Variants in FLI1 observed in about 807,000 individuals in gnomAD.
The protein encoded by FLI1 is Friend leukemia integration 1 transcription factor.
Under a neutral mutation model 53.1 loss-of-function variants are expected in FLI1, and 13 were observed. That is an observed-to-expected ratio of 0.24 (90% CI 0.16 to 0.39). The LOEUF is 0.39. FLI1 is among the 10% of genes least tolerant of loss of function. FLI1 has a pLI of 1.00. For synonymous variants in FLI1, 244 were observed against 236.7 expected, an observed-to-expected ratio of 1.03 and a Z score of -0.28; for missense variants, 424 against 600.5, an observed-to-expected ratio of 0.71 and a Z score of 3.07.
upstream of FLI1, chr11:128,692,983 T>A (rs1166613068): frequency 6.6e-6 from 1 of 152,404 alleles, no homozygotes; most frequent in African/African-American, 2.4e-5. Flanking sequence ...CCTCCGGGTC[T>A]CACCCCGGGA....
chr11:128,697,642 T>C (rs966753739), intron 1 of FLI1, among the ~76,000 whole-genome samples: 2 of 152,248 alleles, frequency 1.3e-5, no homozygotes, highest in African/African-American at 4.8e-5. Context: ...TTTTAAAGCC[T>C]GCCACCTTAG....
chr11:128,785,476 A>T (rs975804757), intron 5 of FLI1, among the ~76,000 whole-genome samples: 1 of 151,740 alleles, frequency 6.6e-6, no homozygotes, highest in Non-Finnish European at 1.5e-5. Flanking sequence ...AGAGGATTAG[A>T]CTAGAACCCC....
chr11:128,685,402 G>C (rs1259148223), upstream of FLI1, among the ~76,000 whole-genome samples: 1 of 152,222 alleles, frequency 6.6e-6, no homozygotes, highest in Admixed American at 6.5e-5. Context: ...CGATCCTCTG[G>C]GGGCGATGCA....
At chr11:128,722,520 AG>A (rs769101882) in intron 1 of FLI1, among the ~76,000 whole-genome samples, 1 of 152,230 alleles carries the variant, frequency 6.6e-6, no homozygotes, top group Non-Finnish European at 1.5e-5. Flanking sequence ...CTCAGACTTC[AG>A]GCAATGCAGC....
intron 1 of FLI1, among the ~76,000 whole-genome samples, chr11:128,731,718 A>G (rs763044706): frequency 1.6e-4 from 24 of 152,212 alleles, no homozygotes; most frequent in Non-Finnish European, 3.4e-4. Context: ...AAAATGCTTA[A>G]GTAGATGGGG....
At chr11:128,698,864 T>TATCCTTAAA (rs1412127197) in intron 1 of FLI1, among the ~76,000 whole-genome samples, 1 of 152,220 alleles carries the variant, frequency 6.6e-6, no homozygotes, top group African/African-American at 2.4e-5. Context: ...GAATTATTTT[T>TATCCTTAAA]ATCCTTAAAG....
intron 2 of FLI1, chr11:128,764,561 T>C (rs1649153218): frequency 8.2e-7 from 1 of 1,214,510 alleles, no homozygotes; most frequent in Non-Finnish European, 1.2e-6. Flanking sequence ...CAGGTCTTAA[T>C]ACAAATTAGC....
intron 4 of FLI1, among the ~76,000 whole-genome samples, chr11:128,780,893 C>T (rs1249146175): frequency 6.6e-6 from 1 of 152,216 alleles, no homozygotes; most frequent in East Asian, 1.9e-4. Context: ...CAGATCCCAG[C>T]CCTCGTTTCA....
chr11:128,744,537 C>G (rs1273717495), intron 1 of FLI1, among the ~76,000 whole-genome samples: 1 of 152,192 alleles, frequency 6.6e-6, no homozygotes, highest in Admixed American at 6.5e-5. Context: ...GATTAAAGAA[C>G]TTGTCCAAGG....
At chr11:128,745,473 T>C (rs1940340260) in intron 1 of FLI1, among the ~76,000 whole-genome samples, 1 of 152,146 alleles carries the variant, frequency 6.6e-6, no homozygotes, top group Non-Finnish European at 1.5e-5. Flanking sequence ...CTAAACACCT[T>C]GGACAGAGCA....
intron 3 of FLI1, 97 bp downstream of exon 3, chr11:128,768,369 T>A: frequency 6.7e-7 from 1 of 1,481,750 alleles, no homozygotes; most frequent in Non-Finnish European, 9.4e-7. Context: ...CTATTCCCTG[T>A]GGAATTGCAA....
At chr11:128,728,905 G>A (rs1939584935) in intron 1 of FLI1, among the ~76,000 whole-genome samples, 1 of 152,150 alleles carries the variant, frequency 6.6e-6, no homozygotes, top group African/African-American at 2.4e-5. Context: ...ACAACTTTTT[G>A]CAACCTCTAC....
chr11:128,709,794 C>T (rs939451235), intron 1 of FLI1, among the ~76,000 whole-genome samples: 1 of 152,196 alleles, frequency 6.6e-6, no homozygotes, highest in Non-Finnish European at 1.5e-5. Flanking sequence ...GCCACCTCTT[C>T]TATTATCTTC....
intron 1 of FLI1, among the ~76,000 whole-genome samples, chr11:128,707,030 T>C (rs1938573872): frequency 6.6e-6 from 1 of 152,182 alleles, no homozygotes; most frequent in Admixed American, 6.5e-5. Flanking sequence ...ACTCAGAAAC[T>C]ATGTGGCATG....
At chr11:128,806,813 A>G (rs1217600399) in intron 6 of FLI1, 3 of 165,312 alleles carry the variant, frequency 1.8e-5, no homozygotes, top group Non-Finnish European at 3.9e-5. Flanking sequence ...CCGATTTGAA[A>G]ATGAAATCCA....
At chr11:128,720,690 C>T (rs375381675) in intron 1 of FLI1, among the ~76,000 whole-genome samples, 45 of 152,336 alleles carry the variant, frequency 3.0e-4, no homozygotes, top group East Asian at 1.3e-3. Flanking sequence ...TTTACACATA[C>T]GTGGAAAGCA....
chr11:128,764,669 A>G, intron 2 of FLI1: 2 of 1,535,906 alleles, frequency 1.3e-6, no homozygotes, highest in South Asian at 2.4e-5. Context: ...TGCCTCATTA[A>G]AGAGCAGCCT....
At chr11:128,712,106 TG>T (rs1565461004) in intron 1 of FLI1, among the ~76,000 whole-genome samples, 1 of 152,092 alleles carries the variant, frequency 6.6e-6, no homozygotes, top group Non-Finnish European at 1.5e-5. Flanking sequence ...GATTAGATCA[TG>T]GGGGGCAGAT....
At chr11:128,713,400 A>G (rs1470841295) in intron 1 of FLI1, among the ~76,000 whole-genome samples, 4 of 152,138 alleles carry the variant, frequency 2.6e-5, no homozygotes, top group Non-Finnish European at 5.9e-5. Context: ...TTGCATTGGG[A>G]AGAAGGTAAG....
Sources: gnomAD v4.1 joint callset for allele counts (sites outside exome capture counted in the v4.1 genomes callset) on GRCh38, gnomAD v4.1.1 for gene constraint, MANE v1.5 for transcripts, NCBI Gene and HGNC (gene_info 2026-07-23, HGNC 2026-07-21) for gene names.